Variants in PLEKHG1 observed in about 807,000 individuals in gnomAD.
PLEKHG1 encodes the protein pleckstrin homology domain-containing family G member 1.
In PLEKHG1, 44 loss-of-function variants were observed where a neutral mutation model predicts 100.8. The ratio of observed to expected loss-of-function variants is 0.44; its 90% CI spans 0.34 to 0.56. The LOEUF is 0.56. PLEKHG1 is among the 20% of genes least tolerant of loss of function. The pLI is 0.01. For missense variants in PLEKHG1, 1,545 were observed against 1,720.9 expected (o/e 0.90, Z 1.81); for synonymous variants, 640 against 662.5 (o/e 0.97, Z 0.52).
intron 1 of PLEKHG1, among the ~76,000 whole-genome samples, chr6:150,725,201 G>A (rs1320003981): frequency 2.0e-5 from 3 of 152,136 alleles, no homozygotes; most frequent in Non-Finnish European, 4.4e-5. Context: ...GGCAGAAGGA[G>A]CAAACAAGCT....
intron 1 of PLEKHG1, among the ~76,000 whole-genome samples, chr6:150,603,891 G>A (rs1776476263): frequency 6.6e-6 from 1 of 151,714 alleles, no homozygotes; most frequent in Non-Finnish European, 1.5e-5. Context: ...AGTGTTAATG[G>A]TAGGCTAAGT....
rs57330180 is a variant in PLEKHG1, at chr6:150,773,458, C to G, written c.512+4720C>G. Among the ~76,000 whole-genome samples the G allele has an allele frequency of 3.7e-3, 558 of 152,280 alleles. 4 individuals carry two copies. Among genetic ancestry groups the G allele is most frequent in the African/African-American group, 0.013 (533 of 41,562 alleles). ...CTGAGGCAGGAGAATTGCTTGAGCC[C>G]GGGAGGCAGAGGCTGCAGTGAGCCA... On this transcript the variant is annotated intron_variant, in intron 3 of 15. Transcript: ENST00000358517.
intron 2 of PLEKHG1, among the ~76,000 whole-genome samples, chr6:150,745,890 T>A (rs1258977361): frequency 6.6e-6 from 1 of 152,030 alleles, no homozygotes; most frequent in Admixed American, 6.6e-5. Context: ...AGCCACCAGC[T>A]GCCCACACCG....
At chr6:150,760,236 T>C (rs1212578529) in intron 2 of PLEKHG1, among the ~76,000 whole-genome samples, 1 of 152,246 alleles carries the variant, frequency 6.6e-6, no homozygotes, top group Non-Finnish European at 1.5e-5. Flanking sequence ...AGACATTGCA[T>C]TCCTCCACCA....
intron 4 of PLEKHG1, among the ~76,000 whole-genome samples, chr6:150,794,643 G>A (rs1161656700): frequency 6.6e-6 from 1 of 152,098 alleles, no homozygotes; most frequent in Non-Finnish European, 1.5e-5. Context: ...CTGCAGCCTG[G>A]GCAACAGAGT....
chr6:150,764,884 A>G (rs983384215), intron 2 of PLEKHG1, among the ~76,000 whole-genome samples: 1 of 150,064 alleles, frequency 6.7e-6, no homozygotes, highest in Non-Finnish European at 1.5e-5. Context: ...TATTCTATTT[A>G]TTTGTTTACA....
chr6:150,626,979 A>C (rs1562392315), intron 1 of PLEKHG1, among the ~76,000 whole-genome samples: 1 of 152,240 alleles, frequency 6.6e-6, no homozygotes, highest in African/African-American at 2.4e-5. Context: ...TTTATAGTGC[A>C]TGGGACATGC....
intron 1 of PLEKHG1, among the ~76,000 whole-genome samples, chr6:150,631,831 T>C (rs1005413265): frequency 2.6e-5 from 4 of 152,120 alleles, no homozygotes; most frequent in African/African-American, 9.7e-5. Context: ...AGTGGAGGGC[T>C]GCGAGCAAGT....
chr6:150,618,916 A>T (rs1777179952), intron 1 of PLEKHG1, among the ~76,000 whole-genome samples: 1 of 152,194 alleles, frequency 6.6e-6, no homozygotes. Context: ...CTGTCTCTAT[A>T]AAGAAAATTT....
chr6:150,731,616 CTG>C (rs1782264127), intron 1 of PLEKHG1, among the ~76,000 whole-genome samples: 1 of 152,128 alleles, frequency 6.6e-6, no homozygotes, highest in Non-Finnish European at 1.5e-5. Flanking sequence ...ATTCTTTTTA[CTG>C]TGTTTGTCAC....
intron 3 of PLEKHG1, chr6:150,663,989 T>A (rs1225134396): frequency 1.3e-5 from 2 of 152,198 alleles, no homozygotes; most frequent in African/African-American, 2.4e-5. Context: ...TTACTCAAAT[T>A]TGGTAAAACA....
chr6:150,715,314 A>G (rs4449641), intron 3 of PLEKHG1, among the ~76,000 whole-genome samples: 68,906 of 151,952 alleles, frequency 0.45, 15,811 homozygotes, highest in Middle Eastern at 0.54. Flanking sequence ...AGTCTGGAAG[A>G]ATGTGTATAG....
chr6:150,840,168 A>G (rs2128694635), exon 16 of PLEKHG1: 1 of 1,614,226 alleles, frequency 6.2e-7, no homozygotes, highest in Middle Eastern at 1.6e-4. Context: ...CTCTGTGCAG[A>G]GATGCAGCGT....
intron 3 of PLEKHG1, among the ~76,000 whole-genome samples, chr6:150,679,220 C>G (rs905957390): frequency 2.0e-5 from 3 of 152,120 alleles, no homozygotes; most frequent in Admixed American, 2.0e-4. Context: ...TTTTCTGAGT[C>G]GCTCTGTTCT....
chr6:150,660,402 G>T (rs1779139943), intron 3 of PLEKHG1, among the ~76,000 whole-genome samples: 1 of 152,092 alleles, frequency 6.6e-6, no homozygotes, highest in African/African-American at 2.4e-5. Flanking sequence ...TTTTCATGAT[G>T]ATTATCTTCC....
rs757089123 is a variant in PLEKHG1 at position 150,733,916 on chromosome 6, G to A, written c.235G>A (p.Ala79Thr). The A allele has an allele frequency of 6.8e-6, 11 of 1,614,080 alleles. No homozygotes were observed. Among genetic ancestry groups the A allele is most frequent in the East Asian group, 4.5e-5 (2 of 44,890 alleles). The change falls in exon 2 of 16, where the codon GCG (alanine) becomes ACG (threonine). Residue 79 changes from alanine to threonine, a missense_variant. Ala to Thr is a moderately conservative substitution (Grantham distance 58). Coordinates refer to ENST00000358517, the Ensembl canonical transcript of PLEKHG1. ...CAACCCCGCCACGGGGCAACAGAAC[G>A]CGGATGAGGGCAGCGAAAGGCCACC...
chr6:150,752,135 A>G (rs554983484), intron 2 of PLEKHG1, among the ~76,000 whole-genome samples: 28 of 152,204 alleles, frequency 1.8e-4, no homozygotes, highest in Non-Finnish European at 4.0e-4. Flanking sequence ...GCAGTGAGCC[A>G]AGATCACACC....
At chr6:150,789,703 A>C (rs763968291) in intron 4 of PLEKHG1, among the ~76,000 whole-genome samples, 2 of 152,234 alleles carry the variant, frequency 1.3e-5, no homozygotes, top group Non-Finnish European at 2.9e-5. Flanking sequence ...ATATTGTTCT[A>C]TTCCAGGTTG....
chr6:150,805,165 C>T (rs1319306543), intron 7 of PLEKHG1, among the ~76,000 whole-genome samples: 29 of 152,010 alleles, frequency 1.9e-4, no homozygotes, highest in Admixed American at 1.6e-3. Context: ...GAACTCCCGA[C>T]CTCAGGTGAT....
Sources: allele counts gnomAD v4.1 joint callset (sites outside exome capture counted in the v4.1 genomes callset), GRCh38; gene constraint gnomAD v4.1.1; transcripts MANE v1.5; gene names NCBI Gene and HGNC (gene_info 2026-07-23, HGNC 2026-07-21).